PHF19: variants seen among roughly 807,000 people sequenced by gnomAD.
PHF19 encodes the protein polycomb like 3.
In PHF19, 21 loss-of-function variants were observed where a neutral mutation model predicts 79.8. The ratio of observed to expected loss-of-function variants is 0.26; its 90% CI spans 0.19 to 0.38. The LOEUF (loss-of-function observed/expected upper bound fraction) is 0.38. Ranked by LOEUF, PHF19 falls within the 10% of genes least tolerant of loss-of-function variation. PHF19 has a pLI of 1.00. For missense variants in PHF19, 445 were observed against 744.2 expected (o/e 0.60, Z 4.68); for synonymous variants, 273 against 296.3 (o/e 0.92, Z 0.81).
In PHF19 at chr9:120,860,193, G is replaced by C; in HGVS notation, c.1305-8C>G. 1 of 1,533,288 alleles carries C rather than the reference G, an allele frequency of 6.5e-7. No homozygotes were observed. Among genetic ancestry groups the C allele is most frequent in the Non-Finnish European group, 8.9e-7 (1 of 1,120,028 alleles). 95.0% of individuals were successfully genotyped at this position (1,533,288 alleles called of 1,614,324 possible). On this transcript the variant is annotated splice_region_variant and splice_polypyrimidine_tract_variant and intron_variant, in intron 13 of 14. Coordinates refer to ENST00000373896, the MANE Select transcript of PHF19 (RefSeq NM_015651.3). The surrounding 1 kb of genome is among the most constrained non-coding windows in gnomAD (Gnocchi z 4.1). ...GTCTGGCCTGAGCTGGCACTGAGAGGGGCAAGACCGTGAGCCTGCTGGTGG... is the reference window on the plus strand; with the variant it reads ...GTCTGGCCTGAGCTGGCACTGAGAGCGGCAAGACCGTGAGCCTGCTGGTGG...
chr9:120,859,399 C>CATGAG (rs2045451546), intron 14 of PHF19, among the ~76,000 whole-genome samples: 1 of 151,998 alleles, frequency 6.6e-6, no homozygotes, highest in Admixed American at 6.6e-5. Context: ...GGATGACAGG[C>CATGAG]ATGAGCCACC....
chr9:120,863,082 C>T, intron 10 of PHF19: 1 of 296,546 alleles, frequency 3.4e-6, no homozygotes, highest in Non-Finnish European at 6.5e-6. Flanking sequence ...GGTCAAGATA[C>T]TGGAATCTAC....
intron 1 of PHF19, among the ~76,000 whole-genome samples, chr9:120,884,356 G>A (rs867515978): frequency 1.1e-4 from 16 of 152,174 alleles, no homozygotes; most frequent in African/African-American, 3.1e-4. Context: ...TCCATGAGTC[G>A]ATCCGCGTGA....
upstream of PHF19, among the ~76,000 whole-genome samples, chr9:120,880,452 C>T (rs2046162143): frequency 6.6e-6 from 1 of 152,166 alleles, no homozygotes; most frequent in African/African-American, 2.4e-5. Context: ...CGAAATCGTG[C>T]CACTGCACTC....
chr9:120,868,688 A>T, intron 6 of PHF19: 1 of 246,470 alleles, frequency 4.1e-6, no homozygotes. Flanking sequence ...CCCCACCCCG[A>T]GCCCTTCCCT....
Position 120,867,000 on chromosome 9 carries a change from CA to C in PHF19, c.615-36del, listed in dbSNP as rs745986057. Reference sequence around the variant, plus strand: ...CAGAGGAGCCAAGGTCAGCCAGGACCACACCCCCAGTCAGGTATGAGCTTCG... The same window carrying C: ...CAGAGGAGCCAAGGTCAGCCAGGACCCACCCCCAGTCAGGTATGAGCTTCG... On this transcript the variant is annotated intron_variant, in intron 6 of 14. Transcript: ENST00000373896. The surrounding 1 kb of genome is among the most constrained non-coding windows in gnomAD (Gnocchi z 5.2). 3 of 1,275,532 alleles carry C rather than the reference CA, an allele frequency of 2.4e-6. No homozygotes were observed. The highest frequency in any genetic ancestry group is 2.9e-5 in the African/African-American group (2 of 68,504). 79.0% of individuals were successfully genotyped at this position (1,275,532 alleles called of 1,614,324 possible).
upstream of PHF19, among the ~76,000 whole-genome samples, chr9:120,898,541 A>T (rs1056495191): frequency 6.6e-6 from 1 of 152,260 alleles, no homozygotes; most frequent in East Asian, 1.9e-4. Flanking sequence ...TCATTTTATC[A>T]TGGCTATTTA....
At position 120,862,076 on chromosome 9, in the gene PHF19, C is replaced by T. The variant is rs951251616; in HGVS notation, c.1131-71G>A. On this transcript the variant is annotated intron_variant, in intron 11 of 14. Coordinates refer to ENST00000373896, the MANE Select transcript of PHF19 (RefSeq NM_015651.3). The surrounding 1 kb of genome is among the most constrained non-coding windows in gnomAD (Gnocchi z 4.6). ...GGCCCTAGGGTGGCCCAGAGGGAGG[C>T]GCCGCAGGGGCGGGGGTCACAGCAG... The T allele has an allele frequency of 4.5e-6, 5 of 1,106,474 alleles. No homozygotes were observed. Among genetic ancestry groups the T allele is most frequent in the Admixed American group, 1.7e-5 (1 of 59,304 alleles). The allele number at this position is 1,106,474 out of a possible 1,614,324, so 68.5% of individuals were successfully genotyped here.
intron 1 of PHF19, among the ~76,000 whole-genome samples, chr9:120,892,083 A>G (rs1405878672): frequency 6.6e-6 from 1 of 152,146 alleles, no homozygotes; most frequent in Non-Finnish European, 1.5e-5. Flanking sequence ...CTCTTTTTTA[A>G]AAAGAGAATG....
chr9:120,889,687 G>A (rs898114401), intron 1 of PHF19, among the ~76,000 whole-genome samples: 4 of 151,986 alleles, frequency 2.6e-5, no homozygotes, highest in African/African-American at 9.7e-5. Flanking sequence ...GCTGCCTTCA[G>A]TGAGCCATGA....
Position 120,869,145 on chromosome 9 carries a change from G to GCCCTGCCGCCCGGGGGGCCCTGACC in PHF19, c.614+12_614+36dup, listed in dbSNP as rs1440755828. ...CCCTGCTGGCGATTCTTGGAGACCT[G>GCCCTGCCGCCCGGGGGGCCCTGACC]CCCTGCCGCCCGGGGGGCCCTGACC... On this transcript the variant is annotated intron_variant, in intron 6 of 14. Transcript: ENST00000373896. This position sits in a 1 kb window ranked among gnomAD's most constrained non-coding sequence, Gnocchi z 5.8. The GCCCTGCCGCCCGGGGGGCCCTGACC allele has an allele frequency of 6.3e-7, 1 of 1,578,628 alleles. No individual in the cohort carries two copies. The highest frequency in any genetic ancestry group is 1.1e-5 in the South Asian group (1 of 87,158).
Position 120,862,991 on chromosome 9 carries a change from T to C in PHF19, c.969-242A>G. On this transcript the variant is annotated intron_variant, in intron 10 of 14. Coordinates refer to ENST00000373896, the MANE Select transcript of PHF19 (RefSeq NM_015651.3). The surrounding 1 kb of genome is among the most constrained non-coding windows in gnomAD (Gnocchi z 4.6). ...TGCATGAGTGTGGTTCTTGCTGCTC[T>C]TCTCCCTTTTGTTTGCCTCAACCAG... 1 of 498,108 alleles carries C rather than the reference T, an allele frequency of 2.0e-6. No homozygotes were observed. Among genetic ancestry groups the C allele is most frequent in the Non-Finnish European group, 3.6e-6 (1 of 275,394 alleles). 30.9% of individuals were successfully genotyped at this position (498,108 alleles called of 1,614,324 possible). A position where few individuals can be genotyped will look rare whatever the true frequency, so the allele number is the denominator to read the frequency against.
At chr9:120,871,829 C>T (rs377397090) in intron 3 of PHF19, among the ~76,000 whole-genome samples, 42 of 151,962 alleles carry the variant, frequency 2.8e-4, no homozygotes, top group South Asian at 1.7e-3. Context: ...CACAAGGTCA[C>T]GAGTTCGAGA....
Position 120,872,037 on chromosome 9 carries a change from C to CAAAAAAAAAGAAAAAAAAAAA in PHF19, c.269-1500_269-1499insTTTTTTTTTTTCTTTTTTTTT, listed in dbSNP as rs2045912428. Among the ~76,000 whole-genome samples, 10 of 30,324 alleles carry CAAAAAAAAAGAAAAAAAAAAA rather than the reference C, an allele frequency of 3.3e-4. 1 individual carries two copies. Among genetic ancestry groups the CAAAAAAAAAGAAAAAAAAAAA allele is most frequent in the Non-Finnish European group, 4.4e-4 (8 of 18,288 alleles). 19.9% of individuals were successfully genotyped at this position (30,324 alleles called of 152,430 possible). ...TGGGTGACAGAGCAAGACTCTGTCT[C>CAAAAAAAAAGAAAAAAAAAAA]AAAAAAAAAAAAAAAAAAAAAAAAA... On this transcript the variant is annotated intron_variant, in intron 3 of 14. Coordinates refer to ENST00000373896, the MANE Select transcript of PHF19 (RefSeq NM_015651.3).
Position 120,862,544 on chromosome 9 carries a change from C to A in PHF19, c.1130+44G>T. 1.3e-6 allele frequency: 2 copies of A among 1,586,228 alleles called. No individual in the cohort carries two copies. Among genetic ancestry groups the A allele is most frequent in the South Asian group, 2.2e-5 (2 of 90,322 alleles). ...CTTGCTTGCTTGGAAGCAGAGAAAC[C>A]GAGTTTGGCGGCAGCCCTGGCCCCT... On this transcript the variant is annotated intron_variant, in intron 11 of 14. Transcript: ENST00000373896. The surrounding 1 kb of genome is among the most constrained non-coding windows in gnomAD (Gnocchi z 4.6).
chr9:120,872,549 G>C (rs919096873), intron 3 of PHF19, among the ~76,000 whole-genome samples: 1 of 152,162 alleles, frequency 6.6e-6, no homozygotes, highest in East Asian at 1.9e-4. Context: ...GAGAGGAATC[G>C]GTCTGCACTG....
At position 120,858,188 on chromosome 9, in the gene PHF19, G is replaced by C; in HGVS notation, c.1499C>G (p.Ser500Trp). The C allele has an allele frequency of 6.2e-7, 1 of 1,600,544 alleles. No individual in the cohort carries two copies. Among genetic ancestry groups the C allele is most frequent in the Non-Finnish European group, 8.6e-7 (1 of 1,169,406 alleles). The change falls in exon 15 of 15, where the codon TCG becomes TGG. Residue 500 changes from serine (S) to tryptophan (W), a missense_variant. Ser to Trp is a radical substitution (Grantham distance 177). Transcript: ENST00000373896. ...TGAAGCCCCCTCTGCACTGCTGTCC[G>C]AGGGGCAGCGTCCATCCAGCTCAGC... is the stretch of plus-strand genomic sequence containing the variant. ...WAAELDGRCPSDSSAEGASVP... is the reference protein window; with the variant it reads ...WAAELDGRCPWDSSAEGASVP...
Position 120,869,549 on chromosome 9 carries a change from C to T in PHF19, c.466-219G>A. ...ATAACAGAATTAAGAGTAATAAGCG[C>T]AATAAAGGCAACAATTACCAACATG... On this transcript the variant is annotated intron_variant, in intron 5 of 14. Transcript: ENST00000373896. The surrounding 1 kb of genome is among the most constrained non-coding windows in gnomAD (Gnocchi z 5.8). 1 of 1,438,134 alleles carries T rather than the reference C, an allele frequency of 7.0e-7. No homozygotes were observed. The highest frequency in any genetic ancestry group is 1.5e-5 in the South Asian group (1 of 68,332). 89.1% of individuals were successfully genotyped at this position (1,438,134 alleles called of 1,614,324 possible).
chr9:120,883,894 A>G (rs1244326777), intron 1 of PHF19, among the ~76,000 whole-genome samples: 1 of 152,200 alleles, frequency 6.6e-6, no homozygotes, highest in African/African-American at 2.4e-5. Flanking sequence ...GGGTCAGACC[A>G]CAATGACCTC....
Sources: gnomAD v4.1 joint callset for allele counts (sites outside exome capture counted in the v4.1 genomes callset) on GRCh38, gnomAD v4.1.1 for gene constraint, Gnocchi (gnomAD v3.1) non-coding constraint, MANE v1.5 for transcripts, NCBI Gene and HGNC (gene_info 2026-07-23, HGNC 2026-07-21) for gene names.